The following ZFHX3 variants were observed in gnomAD, a reference collection of about 807,000 sequenced individuals.
ZFHX3 encodes the protein zinc finger homeobox 3.
ZFHX3 carries 42 observed loss-of-function variants against 279.1 expected under a neutral mutation model. The observed-to-expected ratio is 0.15, with a 90% CI of 0.12 to 0.19. The LOEUF (loss-of-function observed/expected upper bound fraction) is 0.19, where lower values mean the gene tolerates loss of function less well. Among genes scored for constraint, ZFHX3 ranks in the 10% least tolerant of loss-of-function variants. The pLI is 1.00. For missense variants in ZFHX3, 4,981 were observed against 4,754.0 expected (o/e 1.05, Z -1.40); for synonymous variants, 2,293 against 1,957.8 (o/e 1.17, Z -4.52).
rs767995885 is a variant in ZFHX3 at position 72,889,814 on chromosome 16, T to C, written c.3365A>G (p.Gln1122Arg). ...CTCTGGAAGGCCCTTCTGCAGCCGC[T>C]GCAGCTTTCGCAGGCTCTCGCTTCG... ...HQRSESLRKL[Q>R]RLQKGLPEED... Residue 1122 changes from glutamine to arginine, a missense_variant, in exon 4 of 10, where the codon CAG becomes CGG. By Grantham distance (43) the Gln-to-Arg change is conservative (BLOSUM62 1). Around this residue, in one of 7 missense-constraint regions of ZFHX3, gnomAD observed 1,751 missense variants for 1,770.0 expected, o/e 0.99. Transcript: ENST00000268489. The C allele has an allele frequency of 6.2e-7, 1 of 1,613,884 alleles. No individual in the cohort carries two copies. Among genetic ancestry groups the C allele is most frequent in the East Asian group, 2.2e-5 (1 of 44,870 alleles).
At chr16:73,655,699 C>T (rs1446553459) in intron 2 of ZFHX3, among the ~76,000 whole-genome samples, 1 of 152,130 alleles carries the variant, frequency 6.6e-6, no homozygotes, top group African/African-American at 2.4e-5. Context: ...AAACTAAAAA[C>T]CCTGGTATTA....
intron 2 of ZFHX3, among the ~76,000 whole-genome samples, chr16:73,516,196 A>T (rs1400626845): frequency 6.6e-6 from 1 of 152,212 alleles, no homozygotes; most frequent in African/African-American, 2.4e-5. Context: ...ACTGCGAGAA[A>T]AGAGAACCAC....
At chr16:73,169,631 C>G (rs986015049) in intron 5 of ZFHX3, among the ~76,000 whole-genome samples, 4 of 151,476 alleles carry the variant, frequency 2.6e-5, no homozygotes, top group Non-Finnish European at 5.9e-5. Flanking sequence ...TGCACTCCAG[C>G]CTGGGCGACA....
upstream of ZFHX3, chr16:73,061,306 G>C (rs927120555): frequency 6.6e-6 from 1 of 151,210 alleles, no homozygotes; most frequent in Non-Finnish European, 1.5e-5. Context: ...CTGGGCTCTC[G>C]ATAGCCCTGG....
intron 2 of ZFHX3, among the ~76,000 whole-genome samples, chr16:73,533,538 C>G (rs2019844093): frequency 6.6e-6 from 1 of 151,856 alleles, no homozygotes; most frequent in African/African-American, 2.4e-5. Flanking sequence ...TAAATACCAT[C>G]TATGTCCCAA....
At chr16:72,993,803 C>G (rs1308242994) in intron 1 of ZFHX3, among the ~76,000 whole-genome samples, 1 of 152,154 alleles carries the variant, frequency 6.6e-6, no homozygotes, top group African/African-American at 2.4e-5. Context: ...ACCAGACTTT[C>G]TGCCAACCTG....
At chr16:73,150,133 C>G (rs1025893325) in intron 5 of ZFHX3, among the ~76,000 whole-genome samples, 2 of 152,104 alleles carry the variant, frequency 1.3e-5, no homozygotes, top group Admixed American at 1.3e-4. Context: ...CAGACACAAC[C>G]GCAGATGCTG....
intron 1 of ZFHX3, among the ~76,000 whole-genome samples, chr16:73,869,927 G>T (rs534203587): frequency 2.6e-5 from 4 of 152,332 alleles, no homozygotes; most frequent in Admixed American, 2.6e-4. Context: ...CAAAGCAGAT[G>T]CTCAATAAAC....
chr16:73,598,727 C>G (rs1393293916), intron 2 of ZFHX3, among the ~76,000 whole-genome samples: 1 of 151,640 alleles, frequency 6.6e-6, no homozygotes, highest in Non-Finnish European at 1.5e-5. Flanking sequence ...GCCTAGAACA[C>G]GATTCTTGAT....
At chr16:73,815,142 T>C (rs1255580978) in intron 1 of ZFHX3, among the ~76,000 whole-genome samples, 1 of 152,236 alleles carries the variant, frequency 6.6e-6, no homozygotes, top group Non-Finnish European at 1.5e-5. Flanking sequence ...AGTAGTAGAA[T>C]AATGAGAACG....
intron 4 of ZFHX3, among the ~76,000 whole-genome samples, chr16:72,877,841 C>T (rs2038356776): frequency 6.6e-6 from 1 of 152,190 alleles, no homozygotes; most frequent in South Asian, 2.1e-4. Context: ...GCCTCTATTT[C>T]CTGCCCAAAG....
At chr16:73,425,785 T>C (rs1488347783) in intron 3 of ZFHX3, among the ~76,000 whole-genome samples, 3 of 152,158 alleles carry the variant, frequency 2.0e-5, no homozygotes, top group Non-Finnish European at 4.4e-5. Context: ...ATATCAGCTA[T>C]ATCCTTCTCT....
At chr16:73,445,553 T>C (rs1284553571) in intron 3 of ZFHX3, among the ~76,000 whole-genome samples, 2 of 152,164 alleles carry the variant, frequency 1.3e-5, no homozygotes, top group Admixed American at 6.5e-5. Flanking sequence ...AAGATCTTCC[T>C]GCCTCCCAGG....
intron 3 of ZFHX3, among the ~76,000 whole-genome samples, chr16:73,410,786 A>G (rs2017450606): frequency 6.6e-6 from 1 of 152,214 alleles, no homozygotes; most frequent in African/African-American, 2.4e-5. Flanking sequence ...CACAGCTTTT[A>G]CTATCTACTA....
intron 1 of ZFHX3, among the ~76,000 whole-genome samples, chr16:73,028,629 C>A (rs1050677612): frequency 6.6e-6 from 1 of 152,204 alleles, no homozygotes; most frequent in Admixed American, 6.5e-5. Context: ...TCTCCAATAA[C>A]CTCAACCGCT....
intron 9 of ZFHX3, chr16:72,790,375 A>C (rs1567510444): frequency 6.6e-6 from 1 of 152,312 alleles, no homozygotes; most frequent in East Asian, 1.9e-4. Context: ...CAAAATCAAA[A>C]TCTTACTTCA....
At chr16:73,874,565 T>C (rs575657485) in intron 1 of ZFHX3, among the ~76,000 whole-genome samples, 1 of 152,324 alleles carries the variant, frequency 6.6e-6, no homozygotes, top group South Asian at 2.1e-4. Context: ...TGTAAAACAG[T>C]TCAATCCTGT....
intron 1 of ZFHX3, among the ~76,000 whole-genome samples, chr16:73,035,538 A>C (rs922603392): frequency 9.9e-5 from 15 of 152,216 alleles, no homozygotes; most frequent in African/African-American, 3.6e-4. Context: ...TGCCAAACTC[A>C]AGTATAAACT....
rs1405606100 is a variant in ZFHX3 at position 73,789,834 on chromosome 16, T to C, written c.-1608+101817A>G. Reference sequence around the variant, plus strand: ...CACTGAGGTTTTATTATAAAATACATTTCAAAATAATGGTTCCAAGTCCTG... The same window carrying C: ...CACTGAGGTTTTATTATAAAATACACTTCAAAATAATGGTTCCAAGTCCTG... On this transcript the variant is annotated intron_variant, in intron 1 of 17. Coordinates refer to the ZFHX3 transcript ENST00000641206. Among the ~76,000 whole-genome samples the C allele has an allele frequency of 2.0e-5, 3 of 152,210 alleles. No individual in the cohort carries two copies. In the East Asian group the frequency reaches 5.8e-4, roughly 29 times the overall value.
Sources: gnomAD v4.1 joint callset for allele counts (sites outside exome capture counted in the v4.1 genomes callset) on GRCh38, gnomAD v4.1.1 for gene constraint, gnomAD v4.1.1 regional missense constraint, MANE v1.5 for transcripts, NCBI Gene and HGNC (gene_info 2026-07-23, HGNC 2026-07-21) for gene names.